The following BANP variants were observed in gnomAD, a reference collection of about 807,000 sequenced individuals.
The protein encoded by BANP is BTG3 associated nuclear protein, also known as protein BANP.
BANP carries 11 observed loss-of-function variants against 68.1 expected under a neutral mutation model. The observed-to-expected ratio is 0.16, with a 90% CI of 0.10 to 0.27. BANP has a LOEUF of 0.27. BANP is among the 10% of genes least tolerant of loss of function. The pLI is 1.00. For missense variants in BANP, 504 were observed against 722.7 expected (o/e 0.70, Z 3.47); for synonymous variants, 329 against 303.2 (o/e 1.09, Z -0.88).
At chr16:88,052,966 A>G (rs73252321) in intron 11 of BANP, among the ~76,000 whole-genome samples, 2,979 of 151,532 alleles carry the variant, frequency 0.02, 97 homozygotes, top group African/African-American at 0.068. Flanking sequence ...TATCATCTCC[A>G]TCATCATACC....
rs374488318 is a variant in BANP, at chr16:88,070,632, TCATCA to T, written c.1378-1434_1378-1430del. On this transcript the variant is annotated intron_variant, in intron 12 of 13. Transcript: ENST00000682872. ...TCAGCTTTGGGGGGCACACCTGGTC[TCATCA>T]CAGCTGCTCACCACGGCCCTTGGGT... Among the ~76,000 whole-genome samples the T allele has an allele frequency of 1.3e-3, 205 of 152,236 alleles. 1 individual carries two copies. The highest frequency in any genetic ancestry group is 2.5e-3 in the Non-Finnish European group (172 of 67,998).
chr16:88,027,407 C>T (rs1169111657), intron 7 of BANP, 76 bp from the exon 8 acceptor site: 28 of 1,557,278 alleles, frequency 1.8e-5, no homozygotes, highest in Middle Eastern at 2.3e-4. Flanking sequence ...CAGCGGGCCC[C>T]GGCCCTGCAG....
At chr16:88,042,776 T>A (rs1199276347) in intron 11 of BANP, among the ~76,000 whole-genome samples, 2 of 150,910 alleles carry the variant, frequency 1.3e-5, no homozygotes, top group Non-Finnish European at 2.9e-5. Flanking sequence ...ATTAGCCACG[T>A]CTGGTGGTAT....
At chr16:88,027,405 C>T in intron 7 of BANP, 78 bp from the exon 8 acceptor site, 1 of 1,554,994 alleles carries the variant, frequency 6.4e-7, no homozygotes, top group Non-Finnish European at 8.8e-7. Context: ...TTCAGCGGGC[C>T]CCGGCCCTGC....
chr16:88,047,404 C>T (rs558366854), intron 11 of BANP, among the ~76,000 whole-genome samples: 16 of 152,316 alleles, frequency 1.1e-4, no homozygotes, highest in African/African-American at 3.8e-4. Flanking sequence ...AGTGAATGGG[C>T]CTTGCTCCTT....
At chr16:88,073,664 C>G (rs1295794721) in intron 13 of BANP, among the ~76,000 whole-genome samples, 2 of 152,156 alleles carry the variant, frequency 1.3e-5, no homozygotes, top group African/African-American at 2.4e-5. Flanking sequence ...CAGCCCCTGC[C>G]GAGGACGCGT....
In BANP at chr16:88,071,817, G is replaced by C; in HGVS notation, c.1378-252G>C. The C allele has an allele frequency of 1.4e-6, 1 of 690,490 alleles. No homozygotes were observed. The highest frequency in any genetic ancestry group is 2.6e-6 in the Non-Finnish European group (1 of 378,484). 42.8% of individuals were successfully genotyped at this position (690,490 alleles called of 1,614,324 possible). ...TTTTTTTTTCCCTTTTTTCTGCTCT[G>C]TAGGTGCTTGAGGGCGGAGTTGCAG... On this transcript the variant is annotated intron_variant, in intron 12 of 13. Transcript: ENST00000682872. The surrounding 1 kb of genome is among the most constrained non-coding windows in gnomAD (Gnocchi z 6.5).
At chr16:88,054,939 A>G (rs187978474) in intron 11 of BANP, among the ~76,000 whole-genome samples, 1 of 152,298 alleles carries the variant, frequency 6.6e-6, no homozygotes, top group African/African-American at 2.4e-5. Flanking sequence ...AGGGGGTATT[A>G]TATCTATTGA....
intron 4 of BANP, among the ~76,000 whole-genome samples, chr16:87,989,563 C>G (rs1357689821): frequency 6.7e-6 from 1 of 149,604 alleles, no homozygotes; most frequent in African/African-American, 2.5e-5. Context: ...CGTGGCTGTG[C>G]GCATCCAGGA....
intron 4 of BANP, among the ~76,000 whole-genome samples, chr16:87,987,582 C>T (rs2064767362): frequency 1.3e-5 from 2 of 151,458 alleles, no homozygotes; most frequent in Non-Finnish European, 2.9e-5. Flanking sequence ...AAAAAATTAG[C>T]TGGGCACAGT....
At chr16:88,042,157 C>T (rs955616310) in intron 11 of BANP, among the ~76,000 whole-genome samples, 6 of 152,242 alleles carry the variant, frequency 3.9e-5, no homozygotes, top group Admixed American at 6.5e-5. Flanking sequence ...ACGGAGCCCC[C>T]GGTGCTCAGC....
At chr16:87,973,753 C>CA (rs58334556) in intron 1 of BANP, among the ~76,000 whole-genome samples, 3,701 of 99,102 alleles carry the variant, frequency 0.037, 91 homozygotes, top group South Asian at 0.092. Context: ...AACTCCATCA[C>CA]AAAAAAAAAA....
chr16:88,034,841 C>T (rs1023997260), intron 9 of BANP, among the ~76,000 whole-genome samples: 8 of 152,294 alleles, frequency 5.3e-5, no homozygotes, highest in African/African-American at 1.9e-4. Flanking sequence ...TCCACTTTCC[C>T]AGGCTTTAAT....
chr16:87,949,316 C>T (rs935296611), upstream of BANP: 2 of 152,156 alleles, frequency 1.3e-5, no homozygotes, highest in Admixed American at 6.5e-5. Flanking sequence ...GATATTCCGG[C>T]GTGGATGCTA....
chr16:88,067,905 A>G (rs1293755947), intron 12 of BANP, among the ~76,000 whole-genome samples: 2 of 152,124 alleles, frequency 1.3e-5, no homozygotes, highest in Non-Finnish European at 2.9e-5. Context: ...CCGCAGTTAC[A>G]CGTTGCACGG....
intron 11 of BANP, among the ~76,000 whole-genome samples, chr16:88,040,857 G>A (rs111441064): frequency 0.012 from 1,898 of 152,322 alleles, 39 homozygotes; most frequent in African/African-American, 0.044. Flanking sequence ...AAATGGACGC[G>A]GCTGTTTTAA....
chr16:88,033,366 G>A (rs1308229952), intron 9 of BANP, 121 bp downstream of exon 9: 17 of 1,057,310 alleles, frequency 1.6e-5, no homozygotes, highest in Non-Finnish European at 2.2e-5. Context: ...CTTGGGAGGA[G>A]GCACAAGGTC....
intron 4 of BANP, among the ~76,000 whole-genome samples, chr16:87,996,285 G>T (rs2067177000): frequency 6.6e-6 from 1 of 152,252 alleles, no homozygotes; most frequent in South Asian, 2.1e-4. Flanking sequence ...TCAGCTGCCT[G>T]TGCCACTTAG....
intron 11 of BANP, among the ~76,000 whole-genome samples, chr16:88,056,890 T>C (rs115043384): frequency 7.2e-5 from 11 of 152,236 alleles, no homozygotes; most frequent in African/African-American, 2.4e-4. Context: ...GATGCACACA[T>C]TGAAGACATT....
Sources: allele counts gnomAD v4.1 joint callset (sites outside exome capture counted in the v4.1 genomes callset), GRCh38; gene constraint gnomAD v4.1.1; non-coding constraint Gnocchi (gnomAD v3.1); transcripts MANE v1.5; gene names NCBI Gene and HGNC (gene_info 2026-07-23, HGNC 2026-07-21).